TFCP2: variants seen among roughly 807,000 people sequenced by gnomAD.
The protein encoded by TFCP2 is transcription factor CP2, also known as alpha-globin transcription factor CP2.
TFCP2 carries 33 observed loss-of-function variants against 73.4 expected under a neutral mutation model. The ratio of observed to expected loss-of-function variants is 0.45; its 90% confidence interval spans 0.34 to 0.60. The LOEUF is 0.60. Ranked by LOEUF, TFCP2 falls within the 20% of genes least tolerant of loss-of-function variation. The pLI is 0.01. For missense variants in TFCP2, 352 were observed against 604.0 expected (o/e 0.58, Z 4.37); for synonymous variants, 193 against 211.6 (o/e 0.91, Z 0.76).
intron 6 of TFCP2, among the ~76,000 whole-genome samples, chr12:51,107,616 T>C (rs1455355203): frequency 1.3e-5 from 2 of 151,414 alleles, no homozygotes; most frequent in African/African-American, 4.8e-5. Flanking sequence ...ATTTCTTTCT[T>C]TTTTTTTTGA....
Position 51,095,155 on chromosome 12 carries a change from T to C in TFCP2, c.*86A>G. The stretch of plus-strand genomic sequence containing the variant: ...AGACGAGTCAGGTTCTTGCAGACCT[T>C]CAAATCTCCATTCATATCCCCCTTC... On this transcript the variant is annotated 3_prime_UTR_variant, in exon 15 of 15. Transcript: ENST00000257915. 3 of 1,455,014 alleles carry C rather than the reference T, an allele frequency of 2.1e-6. No homozygotes were observed. Among genetic ancestry groups the C allele is most frequent in the Non-Finnish European group, 2.9e-6 (3 of 1,035,172 alleles). 90.1% of individuals were successfully genotyped at this position (1,455,014 alleles called of 1,614,324 possible).
At chr12:51,157,756 G>A (rs1490690005) in intron 1 of TFCP2, among the ~76,000 whole-genome samples, 1 of 125,548 alleles carries the variant, frequency 8.0e-6, no homozygotes, top group African/African-American at 3.0e-5. Context: ...GCATGATCCT[G>A]GCTCACTGCA....
chr12:51,117,395 C>T (rs1274739555), intron 3 of TFCP2, among the ~76,000 whole-genome samples: 1 of 152,138 alleles, frequency 6.6e-6, no homozygotes, highest in East Asian at 1.9e-4. Context: ...CTTTACTCCA[C>T]CCAAAAGAAC....
intron 1 of TFCP2, among the ~76,000 whole-genome samples, chr12:51,122,248 CTT>C (rs1214469651): frequency 2.5e-5 from 3 of 121,190 alleles, no homozygotes; most frequent in African/African-American, 9.2e-5. Context: ...TATTTTTTTT[CTT>C]TTCTTTTTTT....
chr12:51,154,095 G>A (rs1171275665), intron 1 of TFCP2, among the ~76,000 whole-genome samples: 1 of 152,126 alleles, frequency 6.6e-6, no homozygotes, highest in Non-Finnish European at 1.5e-5. Flanking sequence ...TCCATTGTAT[G>A]TACTTACAAC....
At chr12:51,109,821 C>G (rs771572006) in intron 5 of TFCP2, among the ~76,000 whole-genome samples, 7 of 151,492 alleles carry the variant, frequency 4.6e-5, no homozygotes, top group African/African-American at 1.5e-4. Flanking sequence ...CCGGTTCAAG[C>G]AATTCTCCTG....
At chr12:51,105,088 G>GTTTTTC (rs1175655170) in intron 8 of TFCP2, among the ~76,000 whole-genome samples, 1 of 148,944 alleles carries the variant, frequency 6.7e-6, no homozygotes, top group Non-Finnish European at 1.5e-5. Context: ...CCACACTCCA[G>GTTTTTC]TTTTTCTTTT....
chr12:51,121,432 AT>A (rs1940669886), intron 1 of TFCP2, among the ~76,000 whole-genome samples: 1 of 150,060 alleles, frequency 6.7e-6, no homozygotes, highest in African/African-American at 2.4e-5. Flanking sequence ...AGAAAAAAAA[AT>A]ATTCCCCCAA....
chr12:51,161,240 TC>T (rs1941642284), intron 1 of TFCP2, among the ~76,000 whole-genome samples: 2 of 152,270 alleles, frequency 1.3e-5, no homozygotes, highest in African/African-American at 4.8e-5. Flanking sequence ...AATGCAGCTT[TC>T]GTAAGTAACA....
chr12:51,158,484 G>GT (rs1212373622), intron 1 of TFCP2, among the ~76,000 whole-genome samples: 1 of 151,842 alleles, frequency 6.6e-6, no homozygotes, highest in Non-Finnish European at 1.5e-5. Flanking sequence ...ATCAGTATCT[G>GT]TTTTTTTGTT....
At chr12:51,127,485 T>C (rs1303703416) in intron 1 of TFCP2, among the ~76,000 whole-genome samples, 1 of 152,170 alleles carries the variant, frequency 6.6e-6, no homozygotes, top group Non-Finnish European at 1.5e-5. Context: ...TTTTAAAAAT[T>C]GCACTGATGT....
Position 51,106,704 on chromosome 12 carries a change from T to C in TFCP2, c.829-91A>G, listed in dbSNP as rs575508535. On this transcript the variant is annotated intron_variant, in intron 7 of 14. Transcript: ENST00000257915. ...TGTTACTTGAATAGCACATCTTGATTAGTAAATCTTAATTCCTCAGAGACT... is the reference window on the plus strand; with the variant it reads ...TGTTACTTGAATAGCACATCTTGATCAGTAAATCTTAATTCCTCAGAGACT... 5.2e-6 allele frequency: 5 copies of C among 958,384 alleles called. No homozygotes were observed. In the East Asian group the frequency reaches 1.3e-4, roughly 24 times the overall value. 59.4% of individuals were successfully genotyped at this position (958,384 alleles called of 1,614,324 possible).
intron 6 of TFCP2, among the ~76,000 whole-genome samples, chr12:51,107,927 T>A (rs1464856777): frequency 6.6e-6 from 1 of 150,794 alleles, no homozygotes; most frequent in Non-Finnish European, 1.5e-5. Flanking sequence ...AATAGTATAA[T>A]CCCATTTATG....
At chr12:51,098,642 G>T in intron 13 of TFCP2, 134 bp downstream of exon 13, 1 of 1,056,904 alleles carries the variant, frequency 9.5e-7, no homozygotes, top group South Asian at 1.8e-5. Context: ...AAAAAATTAG[G>T]AGGAAAGCAA....
intron 1 of TFCP2, among the ~76,000 whole-genome samples, chr12:51,147,299 C>T (rs1227329446): frequency 6.6e-6 from 1 of 151,604 alleles, no homozygotes; most frequent in Non-Finnish European, 1.5e-5. Context: ...GCCGAGATTG[C>T]GCCACTGCAC....
At chr12:51,137,329 T>C (rs1592819288) in intron 1 of TFCP2, among the ~76,000 whole-genome samples, 1 of 152,228 alleles carries the variant, frequency 6.6e-6, no homozygotes, top group African/African-American at 2.4e-5. Flanking sequence ...GTGCTTTTAT[T>C]TTCCTTTAGC....
intron 11 of TFCP2, among the ~76,000 whole-genome samples, chr12:51,100,915 C>G (rs909470514): frequency 1.3e-5 from 2 of 152,146 alleles, no homozygotes; most frequent in Admixed American, 1.3e-4. Flanking sequence ...GACCTAAATG[C>G]TTTTTTCATC....
intron 1 of TFCP2, among the ~76,000 whole-genome samples, chr12:51,161,111 T>A (rs1183219105): frequency 6.6e-6 from 1 of 152,100 alleles, no homozygotes; most frequent in Non-Finnish European, 1.5e-5. Flanking sequence ...TCTAAGCATT[T>A]AAGGAACTCT....
chr12:51,143,796 G>T (rs1941236372), intron 1 of TFCP2, among the ~76,000 whole-genome samples: 1 of 152,110 alleles, frequency 6.6e-6, no homozygotes, highest in Admixed American at 6.6e-5. Flanking sequence ...ATGGGGAGTT[G>T]AAAGCTATTC....
Sources: allele counts gnomAD v4.1 joint callset (sites outside exome capture counted in the v4.1 genomes callset), GRCh38; gene constraint gnomAD v4.1.1; transcripts MANE v1.5; gene names NCBI Gene and HGNC (gene_info 2026-07-23, HGNC 2026-07-21).